Variants in GRB14 observed in about 807,000 individuals in gnomAD.
GRB14 encodes growth factor receptor bound protein 14, also known as growth factor receptor-bound protein 14.
In GRB14, 38 loss-of-function variants were observed where a neutral mutation model predicts 69.1. The observed-to-expected ratio is 0.55, with a 90% CI of 0.42 to 0.72. GRB14 has a LOEUF of 0.72. Ranked by LOEUF, GRB14 falls within the 30% of genes least tolerant of loss-of-function variation. The pLI is 0.00. For synonymous variants in GRB14, 247 were observed against 241.3 expected (o/e 1.02, Z -0.22); for missense variants, 666 against 666.1 (o/e 1.00, Z 0.00).
At chr2:164,605,968 G>C (rs1339448379) in intron 2 of GRB14, among the ~76,000 whole-genome samples, 1 of 152,156 alleles carries the variant, frequency 6.6e-6, no homozygotes, top group African/African-American at 2.4e-5. Flanking sequence ...GCAAAAGAAA[G>C]TAATTGTACA....
At chr2:164,517,347 A>G (rs1173074976) in intron 6 of GRB14, among the ~76,000 whole-genome samples, 2 of 152,194 alleles carry the variant, frequency 1.3e-5, no homozygotes, top group African/African-American at 2.4e-5. Context: ...ACAATTCAAG[A>G]TGAGATTTGG....
chr2:164,609,985 A>C (rs1372317793), intron 2 of GRB14, among the ~76,000 whole-genome samples: 1 of 152,180 alleles, frequency 6.6e-6, no homozygotes, highest in African/African-American at 2.4e-5. Context: ...TTAATCACTA[A>C]AGGAAGCTTT....
chr2:164,531,581 T>G (rs2105293638), intron 3 of GRB14, among the ~76,000 whole-genome samples: 1 of 152,340 alleles, frequency 6.6e-6, no homozygotes, highest in South Asian at 2.1e-4. Context: ...TATAATTATT[T>G]AGGAAGAAGC....
At chr2:164,609,807 G>A (rs1177473929) in intron 2 of GRB14, among the ~76,000 whole-genome samples, 6 of 152,274 alleles carry the variant, frequency 3.9e-5, no homozygotes, top group East Asian at 1.9e-4. Context: ...AAGAACTGAA[G>A]TCAAAAACTG....
chr2:164,591,068 C>T (rs993729332), intron 2 of GRB14, among the ~76,000 whole-genome samples: 12 of 152,170 alleles, frequency 7.9e-5, no homozygotes, highest in Non-Finnish European at 1.5e-4. Flanking sequence ...GGAGATTATG[C>T]ACAGAAATTC....
At chr2:164,501,441 CAT>C (rs1376605845) in intron 9 of GRB14, among the ~76,000 whole-genome samples, 6 of 152,078 alleles carry the variant, frequency 3.9e-5, no homozygotes, top group Non-Finnish European at 8.8e-5. Flanking sequence ...ATTTGTAACA[CAT>C]GTGCATACAT....
At chr2:164,573,562 G>A (rs761478222) in intron 2 of GRB14, among the ~76,000 whole-genome samples, 16 of 151,808 alleles carry the variant, frequency 1.1e-4, no homozygotes, top group African/African-American at 1.7e-4. Flanking sequence ...AAATTTATAC[G>A]TAATATGTTG....
At chr2:164,559,763 C>G (rs1303440618) in intron 2 of GRB14, among the ~76,000 whole-genome samples, 2 of 152,076 alleles carry the variant, frequency 1.3e-5, no homozygotes, top group Admixed American at 6.6e-5. Flanking sequence ...GTGCAAGTAT[C>G]TTTTCGTATA....
intron 11 of GRB14, 32 bp from the exon 12 acceptor site, chr2:164,497,127 T>A: frequency 6.2e-7 from 1 of 1,604,572 alleles, no homozygotes; most frequent in Non-Finnish European, 8.5e-7. Flanking sequence ...ATGCAAAGCT[T>A]TGTTTGAGAT....
chr2:164,569,102 C>T (rs1369330567), intron 2 of GRB14, among the ~76,000 whole-genome samples: 2 of 151,976 alleles, frequency 1.3e-5, no homozygotes, highest in Non-Finnish European at 2.9e-5. Flanking sequence ...ATATATCAAT[C>T]TCAAATACTT....
intron 2 of GRB14, among the ~76,000 whole-genome samples, chr2:164,572,310 A>C (rs745772556): frequency 2.3e-4 from 35 of 152,126 alleles, no homozygotes; most frequent in Non-Finnish European, 2.1e-4. Context: ...ACTTCAACGA[A>C]GCTCCCAAAA....
At chr2:164,542,161 A>G (rs890519953) in intron 3 of GRB14, among the ~76,000 whole-genome samples, 1 of 152,234 alleles carries the variant, frequency 6.6e-6, no homozygotes, top group Non-Finnish European at 1.5e-5. Context: ...AAAGTTGACA[A>G]AAATAATCAA....
chr2:164,508,723 CA>C lies in GRB14; in HGVS notation c.927+18del. The stretch of plus-strand genomic sequence containing the variant: ...GCTGAGGCTTGCTTTATTCATCTAT[CA>C]AAATATTAAGCCTGTACCTTAAAGC... On this transcript the variant is annotated intron_variant, in intron 7 of 13. Coordinates refer to ENST00000263915, the MANE Select transcript of GRB14 (RefSeq NM_004490.3). 1 of 1,548,042 alleles carries C rather than the reference CA, an allele frequency of 6.5e-7. No homozygotes were observed. Among genetic ancestry groups the C allele is most frequent in the Non-Finnish European group, 8.7e-7 (1 of 1,144,998 alleles).
chr2:164,597,731 G>A (rs929475599), intron 2 of GRB14, among the ~76,000 whole-genome samples: 1 of 151,866 alleles, frequency 6.6e-6, no homozygotes, highest in Non-Finnish European at 1.5e-5. Context: ...GAGAGAGGAA[G>A]AAGGAGGAGG....
intron 6 of GRB14, among the ~76,000 whole-genome samples, chr2:164,515,176 A>G (rs565222896): frequency 1.3e-5 from 2 of 152,248 alleles, no homozygotes; most frequent in African/African-American, 4.8e-5. Context: ...CCAGGGCACC[A>G]TCCACCACCT....
At chr2:164,562,998 G>A (rs985407083) in intron 2 of GRB14, among the ~76,000 whole-genome samples, 2 of 152,140 alleles carry the variant, frequency 1.3e-5, no homozygotes, top group Non-Finnish European at 2.9e-5. Context: ...AAAGTAAAAA[G>A]GGCAGGAGAA....
chr2:164,577,472 C>T (rs1290285596), intron 2 of GRB14, among the ~76,000 whole-genome samples: 1 of 152,162 alleles, frequency 6.6e-6, no homozygotes, highest in Non-Finnish European at 1.5e-5. Flanking sequence ...TGTAGCACTT[C>T]CCCTTCAACT....
At chr2:164,548,913 T>C (rs1688455084) in intron 2 of GRB14, among the ~76,000 whole-genome samples, 1 of 152,196 alleles carries the variant, frequency 6.6e-6, no homozygotes, top group East Asian at 1.9e-4. Context: ...CTTTCACTCA[T>C]GTTGCACAGG....
At chr2:164,502,651 T>TTA (rs1559022377) in intron 8 of GRB14, among the ~76,000 whole-genome samples, 2 of 141,540 alleles carry the variant, frequency 1.4e-5, no homozygotes, top group Admixed American at 1.4e-4. Flanking sequence ...TGCCTCATGA[T>TTA]AAAAAAAAAA....
Sources: gnomAD v4.1 joint callset for allele counts (sites outside exome capture counted in the v4.1 genomes callset) on GRCh38, gnomAD v4.1.1 for gene constraint, MANE v1.5 for transcripts, NCBI Gene and HGNC (gene_info 2026-07-23, HGNC 2026-07-21) for gene names.